FER1L5: variants seen among roughly 807,000 people sequenced by gnomAD.
FER1L5 encodes the protein fer-1 like family member 5, also known as fer-1-like protein 5.
In FER1L5, 187 loss-of-function variants were observed where a neutral mutation model predicts 279.9. That is an observed-to-expected ratio of 0.67 (90% CI 0.59 to 0.75). FER1L5 has a LOEUF of 0.75. FER1L5 is among the 30% of genes least tolerant of loss of function. The probability of loss-of-function intolerance (pLI) is 0.00; values close to 1 mark genes in which losing one functional copy is unlikely to be tolerated. For missense variants in FER1L5, 2,091 were observed against 2,594.4 expected (o/e 0.81, Z 4.21); for synonymous variants, 921 against 989.7 (o/e 0.93, Z 1.30).
chr2:96,646,647 G>A (rs955470861), intron 2 of FER1L5, among the ~76,000 whole-genome samples, 194 bp downstream of exon 2: 1 of 152,122 alleles, frequency 6.6e-6, no homozygotes, highest in African/African-American at 2.4e-5. Flanking sequence ...ACCTGCCCAC[G>A]ACTGTTCGTG....
At chr2:96,686,483 G>A in intron 23 of FER1L5, 133 bp downstream of exon 23, 1 of 1,032,648 alleles carries the variant, frequency 9.7e-7, no homozygotes, top group Non-Finnish European at 1.4e-6. Flanking sequence ...GGTTGAAACA[G>A]TCCCCAGAGG....
At position 96,675,046 on chromosome 2, in the gene FER1L5, T is replaced by C. The variant is rs1452536890; in HGVS notation, c.1669+1792T>C. ...ATACTGTTTTTATATTTTACATAAATGGACTCTTTCGGTCTGTATTCATCT... is the reference window on the plus strand; with the variant it reads ...ATACTGTTTTTATATTTTACATAAACGGACTCTTTCGGTCTGTATTCATCT... On this transcript the variant is annotated intron_variant, in intron 19 of 52. Transcript: ENST00000624922. Among the ~76,000 whole-genome samples, 6 of 152,216 alleles carry C rather than the reference T, an allele frequency of 3.9e-5. No individual in the cohort carries two copies. In the South Asian group the frequency reaches 1.2e-3, roughly 32 times the overall value.
In FER1L5 at chr2:96,694,089, C is replaced by G; in HGVS notation, c.3636+17C>G. On this transcript the variant is annotated intron_variant, in intron 33 of 52. Transcript: ENST00000624922. This position sits in a 1 kb window ranked among gnomAD's most constrained non-coding sequence, Gnocchi z 4.6. ...CAGACTGAGGTATTGGGAGAGAGGG[C>G]CTGGCTGGGAAGTGTGGCACTCAGT... 6.5e-7 allele frequency: 1 copy of G among 1,534,428 alleles called. No homozygotes were observed. The highest frequency in any genetic ancestry group is 2.4e-5 in the East Asian group (1 of 40,878).
At chr2:96,679,000 G>A (rs1479746949) in intron 19 of FER1L5, among the ~76,000 whole-genome samples, 1 of 151,978 alleles carries the variant, frequency 6.6e-6, no homozygotes, top group Non-Finnish European at 1.5e-5. Context: ...TGGTGTTATA[G>A]CTAAGAACTC....
chr2:96,652,913 G>A (rs2075441131), intron 7 of FER1L5: 1 of 152,526 alleles, frequency 6.6e-6, no homozygotes, highest in East Asian at 1.9e-4. Context: ...TCCCCATTCT[G>A]GGCAGAAAAC....
At chr2:96,662,933 C>T (rs946524448) in intron 13 of FER1L5, among the ~76,000 whole-genome samples, 7 of 152,156 alleles carry the variant, frequency 4.6e-5, no homozygotes, top group Non-Finnish European at 8.8e-5. Context: ...GTAAGTGACA[C>T]GCAGTTCTCA....
intron 18 of FER1L5, 48 bp from the exon 19 acceptor site, chr2:96,673,029 C>G: frequency 6.5e-7 from 1 of 1,532,838 alleles, no homozygotes; most frequent in Non-Finnish European, 8.8e-7. Context: ...CAATATAACC[C>G]TTGGCTTATG....
intron 1 of FER1L5, among the ~76,000 whole-genome samples, chr2:96,645,530 G>A (rs2075081952): frequency 6.6e-6 from 1 of 152,218 alleles, no homozygotes; most frequent in Non-Finnish European, 1.5e-5. Context: ...GCTTTAGCCT[G>A]TAATCCCAAC....
rs186888095 is a variant in FER1L5, at chr2:96,690,177, C to T, written c.2641-310C>T. On this transcript the variant is annotated intron_variant, in intron 26 of 52. Transcript: ENST00000624922. ...GAAGGAATTAAACTTTGAATTTTAA[C>T]TCATTTAAGCTAGAGTAGCCCCAGG... Among the ~76,000 whole-genome samples, 4 of 152,286 alleles carry T rather than the reference C, an allele frequency of 2.6e-5. No individual in the cohort carries two copies. The East Asian group carries it at 7.7e-4, about 29-fold the overall frequency.
At chr2:96,690,407 C>A in intron 26 of FER1L5, 80 bp from the exon 27 acceptor site, 1 of 1,336,012 alleles carries the variant, frequency 7.5e-7, no homozygotes, top group Non-Finnish European at 1.0e-6. Context: ...CAGGCACGCA[C>A]ACAGGTGTGG....
chr2:96,650,130 A>G (rs1373298915), intron 5 of FER1L5, 50 bp from the exon 6 acceptor site: 24 of 1,422,392 alleles, frequency 1.7e-5, no homozygotes, highest in African/African-American at 8.5e-5. Context: ...AATACCTCAA[A>G]CCTCCTGGGC....
rs2076389704 is a variant in FER1L5, at chr2:96,673,145, T to C, written c.1560T>C (p.Phe520=). The C allele has an allele frequency of 6.4e-7, 1 of 1,551,420 alleles. No homozygotes were observed. The highest frequency in any genetic ancestry group is 1.2e-5 in the South Asian group (1 of 84,052). ...IFLSCTMMPN[F]KELIHFEVSI... The stretch of plus-strand genomic sequence containing the variant: ...TTTCCTGTACCATGATGCCCAACTT[T>C]AAAGAGCTGATCCATTTCGAGGTCA... The change falls in exon 19 of 53, where the codon TTT becomes TTC. Residue 520 remains phenylalanine, a synonymous_variant. Coordinates refer to ENST00000624922, the MANE Select transcript of FER1L5 (RefSeq NM_001293083.2).
At chr2:96,652,279 AGAGGTCTGG>A (rs2075413999) in intron 7 of FER1L5, 1 of 505,030 alleles carries the variant, frequency 2.0e-6, no homozygotes, top group Non-Finnish European at 3.6e-6. Context: ...CCTGGTTTAC[AGAGGTCTGG>A]GAGTATTGCT....
Position 96,673,235 on chromosome 2 carries a change from C to T in FER1L5, c.1650C>T (p.Tyr550=), listed in dbSNP as rs773518087. ...AGCCTCTAGTCTCAAGCACACCGTA[C>T]AGCCCAGTGATATATGATGGTAATT... The part of the protein sequence containing the change: ...NYKPLVSSTP[Y]SPVIYDGNIY... The change falls in exon 19 of 53, where the codon TAC becomes TAT. Residue 550 remains tyrosine (Y), a synonymous_variant. Coordinates refer to ENST00000624922, the MANE Select transcript of FER1L5 (RefSeq NM_001293083.2). 4.1e-5 allele frequency: 63 copies of T among 1,551,332 alleles called. No individual in the cohort carries two copies. The highest frequency in any genetic ancestry group is 7.9e-5 in the Admixed American group (4 of 50,954).
chr2:96,687,187 A>G (rs2076963339), intron 23 of FER1L5, among the ~76,000 whole-genome samples: 1 of 151,916 alleles, frequency 6.6e-6, no homozygotes, highest in African/African-American at 2.4e-5. Flanking sequence ...CCGCCTTGCC[A>G]CCTGGCCCCT....
At chr2:96,671,489 A>C (rs535789125) in intron 18 of FER1L5, among the ~76,000 whole-genome samples, 1 of 152,354 alleles carries the variant, frequency 6.6e-6, no homozygotes, top group East Asian at 1.9e-4. Context: ...TCAGGGGTGC[A>C]ATGCACCAAG....
At chr2:96,686,399 C>T (rs2076926899) in intron 23 of FER1L5, 49 bp downstream of exon 23, 3 of 1,517,010 alleles carry the variant, frequency 2.0e-6, no homozygotes, top group Non-Finnish European at 2.7e-6. Context: ...GAAATGCCCC[C>T]AGGGGAGCCC....
chr2:96,700,430 A>G lies in FER1L5; in HGVS notation c.5029A>G (p.Thr1677Ala). 1 of 1,613,678 alleles carries G rather than the reference A, an allele frequency of 6.2e-7. No homozygotes were observed. Among genetic ancestry groups the G allele is most frequent in the Non-Finnish European group, 8.5e-7 (1 of 1,179,854 alleles). The change falls in exon 45 of 53, where the codon ACC becomes GCC. Residue 1677 changes from threonine (T) to alanine (A), a missense_variant. Physicochemically the swap from Thr to Ala is moderately conservative, Grantham distance 58 (BLOSUM62 0). Coordinates refer to ENST00000624922, the MANE Select transcript of FER1L5 (RefSeq NM_001293083.2). ...GGGGCTGGTACCTGAGCACGTGGAG[A>G]CCCGCACACTGTACAGCCACAGCCA... ...TQGLVPEHVE[T>A]RTLYSHSQPG...
At chr2:96,693,739 C>A in intron 32 of FER1L5, 52 bp downstream of exon 32, 1 of 1,518,932 alleles carries the variant, frequency 6.6e-7, no homozygotes, top group South Asian at 1.2e-5. Context: ...CACAGAGTGG[C>A]TGAGGGGATT....
Sources: allele counts gnomAD v4.1 joint callset (sites outside exome capture counted in the v4.1 genomes callset), GRCh38; gene constraint gnomAD v4.1.1; non-coding constraint Gnocchi (gnomAD v3.1); transcripts MANE v1.5; gene names NCBI Gene and HGNC (gene_info 2026-07-23, HGNC 2026-07-21).